The following PCDH15 variants were observed in gnomAD, a reference collection of about 807,000 sequenced individuals.
PCDH15 encodes protocadherin related 15.
A neutral mutation model predicts 178.5 loss-of-function variants in PCDH15; 129 were observed. The observed-to-expected ratio is 0.72, with a 90% CI of 0.63 to 0.84. The LOEUF (loss-of-function observed/expected upper bound fraction) is 0.84. Ranked by LOEUF, PCDH15 falls within the 40% of genes least tolerant of loss-of-function variation. PCDH15 has a pLI of 0.00. For missense variants in PCDH15, 2,230 were observed against 2,099.9 expected (o/e 1.06, Z -1.21); for synonymous variants, 800 against 732.0 (o/e 1.09, Z -1.50).
intron 7 of PCDH15, among the ~76,000 whole-genome samples, chr10:54,320,524 A>C (rs1471624939): frequency 6.6e-6 from 1 of 152,064 alleles, no homozygotes; most frequent in Admixed American, 6.6e-5. Flanking sequence ...CTTAAGATGT[A>C]TGAATTTTGA....
At chr10:54,217,937 A>C (rs912037304) in intron 9 of PCDH15, among the ~76,000 whole-genome samples, 1 of 152,196 alleles carries the variant, frequency 6.6e-6, no homozygotes, top group Non-Finnish European at 1.5e-5. Flanking sequence ...TTGTTTTTTA[A>C]GCTAAAGATA....
At chr10:54,268,550 T>G (rs534904814) in intron 8 of PCDH15, among the ~76,000 whole-genome samples, 19 of 152,068 alleles carry the variant, frequency 1.2e-4, no homozygotes, top group Non-Finnish European at 2.7e-4. Flanking sequence ...GAAACTGTGA[T>G]GCATATATAC....
chr10:55,626,697 G>C (rs903467712), intron 2 of PCDH15, among the ~76,000 whole-genome samples: 1 of 152,112 alleles, frequency 6.6e-6, no homozygotes, highest in Admixed American at 6.6e-5. Context: ...TGTAATTCCT[G>C]TTATTAGCTA....
intron 2 of PCDH15, among the ~76,000 whole-genome samples, chr10:55,522,803 G>A (rs1841212621): frequency 6.6e-6 from 1 of 151,098 alleles, no homozygotes; most frequent in Non-Finnish European, 1.5e-5. Flanking sequence ...TAATTCATTT[G>A]CATTAAATTA....
intron 2 of PCDH15, among the ~76,000 whole-genome samples, chr10:55,054,663 T>C (rs1248901096): frequency 6.6e-6 from 1 of 152,104 alleles, no homozygotes; most frequent in Non-Finnish European, 1.5e-5. Flanking sequence ...AGCATTTCTT[T>C]TTCTCTGGCA....
chr10:53,809,427 C>A lies in PCDH15; in HGVS notation c.4671+1129G>T. ...AAATCATGGGGAATATTCTGGCTCT[C>A]TTCCATGTTGTGTATGTAGGCTCAG... On this transcript the variant is annotated intron_variant, in intron 37 of 37. Transcript: ENST00000644397. 1.9e-6 allele frequency: 3 copies of A among 1,614,010 alleles called. No individual in the cohort carries two copies. Among genetic ancestry groups the A allele is most frequent in the Non-Finnish European group, 2.5e-6 (3 of 1,179,884 alleles).
chr10:54,376,988 T>C (rs1240191709), intron 4 of PCDH15, among the ~76,000 whole-genome samples: 3 of 152,038 alleles, frequency 2.0e-5, no homozygotes, highest in Non-Finnish European at 4.4e-5. Context: ...TCTTATTTAT[T>C]CATGCAATAA....
rs1554946692 is a variant in PCDH15 at position 54,062,248 on chromosome 10, A to AAAC, written c.2220+4508_2220+4509insGTT. ...GTCTCAAAAAAAAAAAAAAAAAAAA[A>AAAC]AAAACAAAAAACAACTAAATGAAAA... On this transcript the variant is annotated intron_variant, in intron 18 of 37. Transcript: ENST00000644397. 2.2e-4 allele frequency among the ~76,000 whole-genome samples: 26 copies of AAAC among 119,906 alleles called. 1 individual carries two copies. In the East Asian group the frequency reaches 6.6e-3, roughly 31 times the overall value. 78.7% of individuals were successfully genotyped at this position (119,906 alleles called of 152,430 possible). A position where few individuals can be genotyped will look rare whatever the true frequency, so the allele number is the denominator to read the frequency against.
intron 2 of PCDH15, among the ~76,000 whole-genome samples, chr10:54,528,081 C>T (rs2083534032): frequency 1.3e-5 from 2 of 152,014 alleles, no homozygotes; most frequent in Non-Finnish European, 2.9e-5. Flanking sequence ...TCACTTTGTG[C>T]ATCACAAAAC....
chr10:54,059,422 A>T (rs1172123899), intron 18 of PCDH15, among the ~76,000 whole-genome samples: 1 of 152,252 alleles, frequency 6.6e-6, no homozygotes, highest in Non-Finnish European at 1.5e-5. Flanking sequence ...TTATATAACA[A>T]TAAGTAAATA....
intron 4 of PCDH15, among the ~76,000 whole-genome samples, chr10:54,374,557 T>C (rs1565115492): frequency 6.6e-6 from 1 of 152,092 alleles, no homozygotes; most frequent in Non-Finnish European, 1.5e-5. Context: ...AATTTTTATG[T>C]GATGTGCCTT....
At chr10:54,571,615 T>C (rs1414204901) in intron 2 of PCDH15, among the ~76,000 whole-genome samples, 1 of 151,872 alleles carries the variant, frequency 6.6e-6, no homozygotes, top group African/African-American at 2.4e-5. Context: ...GGAATGGAAA[T>C]AAAAAAATGA....
chr10:55,472,915 G>C (rs374929445), intron 2 of PCDH15, among the ~76,000 whole-genome samples: 20 of 152,246 alleles, frequency 1.3e-4, no homozygotes, highest in African/African-American at 4.3e-4. Flanking sequence ...TTATTGTTCT[G>C]TGATGGATAA....
chr10:54,358,603 C>T (rs1439127004), intron 5 of PCDH15, among the ~76,000 whole-genome samples: 12 of 151,170 alleles, frequency 7.9e-5, no homozygotes, highest in African/African-American at 2.4e-4. Context: ...GTCAGTGTGG[C>T]GATTCCTCAG....
chr10:55,240,733 C>T (rs369587580), intron 1 of PCDH15, among the ~76,000 whole-genome samples: 2 of 152,048 alleles, frequency 1.3e-5, no homozygotes, highest in South Asian at 4.1e-4. Flanking sequence ...TATCCTTATT[C>T]GCCTTATTAC....
chr10:54,450,998 C>A (rs1470247373), intron 3 of PCDH15, among the ~76,000 whole-genome samples: 1 of 151,648 alleles, frequency 6.6e-6, no homozygotes, highest in African/African-American at 2.4e-5. Context: ...AAAAACATAC[C>A]TAAATTCACC....
chr10:55,496,672 A>T (rs1486881000), intron 2 of PCDH15, among the ~76,000 whole-genome samples: 1 of 151,842 alleles, frequency 6.6e-6, no homozygotes, highest in Non-Finnish European at 1.5e-5. Flanking sequence ...AAGAATAGCT[A>T]GGAAAATATA....
intron 2 of PCDH15, among the ~76,000 whole-genome samples, chr10:55,039,092 G>A (rs546385662): frequency 2.0e-5 from 3 of 151,994 alleles, no homozygotes; most frequent in African/African-American, 7.2e-5. Context: ...ATCCACACCA[G>A]CATATTCCCT....
Position 53,888,996 on chromosome 10 carries a change from T to C in PCDH15, c.3501+14247A>G, listed in dbSNP as rs138074080. Among the ~76,000 whole-genome samples, 1,252 of 150,586 alleles carry C rather than the reference T, an allele frequency of 8.3e-3. 26 individuals carry two copies. The highest frequency in any genetic ancestry group is 0.029 in the African/African-American group (1,198 of 41,140). On this transcript the variant is annotated intron_variant, in intron 26 of 37. Coordinates refer to ENST00000644397, the MANE Select transcript of PCDH15 (RefSeq NM_001384140.1). Reference sequence around the variant, plus strand: ...AAAAAATGGTCTCTTTAGAAAATGATGCTGGTCAATTAAATATCCACATGG... The same window carrying C: ...AAAAAATGGTCTCTTTAGAAAATGACGCTGGTCAATTAAATATCCACATGG...
Sources: allele counts gnomAD v4.1 joint callset (sites outside exome capture counted in the v4.1 genomes callset), GRCh38; gene constraint gnomAD v4.1.1; transcripts MANE v1.5; gene names NCBI Gene and HGNC (gene_info 2026-07-23, HGNC 2026-07-21).